DNAH9: variants seen among roughly 807,000 people sequenced by gnomAD.
DNAH9 encodes dynein axonemal heavy chain 9, also known as DNAH9 variant protein.
A neutral mutation model predicts 471.6 loss-of-function variants in DNAH9; 345 were observed. The observed-to-expected ratio is 0.73, with a 90% CI of 0.67 to 0.80. The LOEUF is 0.80. Among genes scored for constraint, DNAH9 ranks in the 30% least tolerant of loss-of-function variants. The pLI is 0.00. For missense variants in DNAH9, 5,407 were observed against 5,609.2 expected, an observed-to-expected ratio of 0.96 and a Z score of 1.15; for synonymous variants, 2,093 against 2,123.6, an observed-to-expected ratio of 0.99 and a Z score of 0.40.
intron 27 of DNAH9, among the ~76,000 whole-genome samples, chr17:11,721,049 A>C (rs2075048227): frequency 6.6e-6 from 1 of 152,102 alleles, no homozygotes; most frequent in Non-Finnish European, 1.5e-5. Flanking sequence ...TGAAAGAAAC[A>C]CTCATTTGGA....
intron 26 of DNAH9, among the ~76,000 whole-genome samples, chr17:11,710,491 C>A (rs990169471): frequency 6.6e-6 from 1 of 152,152 alleles, no homozygotes; most frequent in Admixed American, 6.5e-5. Context: ...TTGCACAACA[C>A]CCTGACTAGC....
chr17:11,968,929 G>C (rs1455715392), intron 68 of DNAH9, among the ~76,000 whole-genome samples: 1 of 152,174 alleles, frequency 6.6e-6, no homozygotes, highest in Non-Finnish European at 1.5e-5. Flanking sequence ...GGCAGAAACT[G>C]TGTCTTAGTC....
intron 38 of DNAH9, among the ~76,000 whole-genome samples, chr17:11,776,934 T>C (rs998567400): frequency 1.3e-5 from 2 of 152,220 alleles, no homozygotes; most frequent in Admixed American, 1.3e-4. Flanking sequence ...AACCTAGCTG[T>C]ACTGCTTTCA....
chr17:11,755,941 G>T (rs1303481925), intron 33 of DNAH9, among the ~76,000 whole-genome samples: 1 of 152,112 alleles, frequency 6.6e-6, no homozygotes, highest in Admixed American at 6.6e-5. Flanking sequence ...TTACATGGCA[G>T]CAGACAGAGA....
At position 11,937,647 on chromosome 17, in the gene DNAH9, T is replaced by C; in HGVS notation, c.12660+125T>C. The C allele has an allele frequency of 9.3e-7, 1 of 1,070,614 alleles. No individual in the cohort carries two copies. Among genetic ancestry groups the C allele is most frequent in the Non-Finnish European group, 1.3e-6 (1 of 794,102 alleles). 66.3% of individuals were successfully genotyped at this position (1,070,614 alleles called of 1,614,324 possible). A position where few individuals can be genotyped will look rare whatever the true frequency, so the allele number is the denominator to read the frequency against. Reference sequence around the variant, plus strand: ...GACAACACACAAAGCACCAACCACCTGCAGCCTGGAGATGCTTGCCTGTCA... The same window carrying C: ...GACAACACACAAAGCACCAACCACCCGCAGCCTGGAGATGCTTGCCTGTCA... On this transcript the variant is annotated intron_variant, in intron 66 of 68. Coordinates refer to ENST00000262442, the MANE Select transcript of DNAH9 (RefSeq NM_001372.4). The surrounding 1 kb of genome is among the most constrained non-coding windows in gnomAD (Gnocchi z 4.1).
intron 49 of DNAH9, among the ~76,000 whole-genome samples, chr17:11,839,592 T>C (rs1970962606): frequency 6.6e-6 from 1 of 152,160 alleles, no homozygotes; most frequent in South Asian, 2.1e-4. Context: ...ACTTTCCGCT[T>C]CAGCCCCTGA....
rs536822014 is a variant in DNAH9, at chr17:11,868,252, C to T, written c.9934-882C>T. ...CCATCCTTAATTGGATGGCCCACCA[C>T]CTGCTTTTTAAACTGCTTGGATGTT... On this transcript the variant is annotated intron_variant, in intron 50 of 68. Coordinates refer to ENST00000262442, the MANE Select transcript of DNAH9 (RefSeq NM_001372.4). Among the ~76,000 whole-genome samples the T allele has an allele frequency of 2.4e-4, 36 of 152,252 alleles. No homozygotes were observed. The South Asian group carries it at 6.8e-3, about 29-fold the overall frequency.
chr17:11,645,591 AGGT>A (rs1191044635), intron 11 of DNAH9, among the ~76,000 whole-genome samples: 2 of 152,088 alleles, frequency 1.3e-5, no homozygotes, highest in Non-Finnish European at 2.9e-5. Context: ...GTCTTCCTTG[AGGT>A]GGTTTTTGCC....
At chr17:11,695,222 T>C (rs1408131993) in intron 22 of DNAH9, among the ~76,000 whole-genome samples, 6 of 152,060 alleles carry the variant, frequency 3.9e-5, no homozygotes, top group Non-Finnish European at 5.9e-5. Flanking sequence ...TCAGTATTGC[T>C]GCTCAGCATG....
At chr17:11,608,384 G>C in intron 2 of DNAH9, 59 bp downstream of exon 2, 3 of 1,339,346 alleles carry the variant, frequency 2.2e-6, no homozygotes, top group Non-Finnish European at 3.1e-6. Flanking sequence ...CTGGTTATCA[G>C]AATGTTTTCC....
At chr17:11,798,517 TTAAA>T (rs1473866169) in intron 43 of DNAH9, among the ~76,000 whole-genome samples, 1 of 149,154 alleles carries the variant, frequency 6.7e-6, no homozygotes, top group East Asian at 2.0e-4. Flanking sequence ...ATTTCAAAAA[TTAAA>T]TATCCTTTTA....
At chr17:11,716,373 G>A (rs1043933196) in intron 26 of DNAH9, among the ~76,000 whole-genome samples, 21 of 152,148 alleles carry the variant, frequency 1.4e-4, no homozygotes, top group Middle Eastern at 3.4e-3. Flanking sequence ...GAGCCACCGT[G>A]CCCGGCCCTG....
intron 29 of DNAH9, 96 bp downstream of exon 29, chr17:11,739,133 G>C (rs2075396132): frequency 8.0e-7 from 1 of 1,244,120 alleles, no homozygotes; most frequent in South Asian, 1.6e-5. Flanking sequence ...AAGAAAATTT[G>C]GAACATTTGG....
At chr17:11,894,344 G>T in intron 58 of DNAH9, 30 bp from the exon 59 acceptor site, 1 of 1,611,158 alleles carries the variant, frequency 6.2e-7, no homozygotes. Context: ...ACAAGCTAAA[G>T]AAATGCAGTA....
chr17:11,774,049 T>C (rs1301878331), intron 38 of DNAH9, among the ~76,000 whole-genome samples: 2 of 152,026 alleles, frequency 1.3e-5, no homozygotes, highest in Non-Finnish European at 2.9e-5. Flanking sequence ...GGCAGGAGAA[T>C]CGCTTAAACC....
chr17:11,616,431 C>T (rs1256039545), intron 4 of DNAH9, among the ~76,000 whole-genome samples: 1 of 152,178 alleles, frequency 6.6e-6, no homozygotes, highest in Non-Finnish European at 1.5e-5. Flanking sequence ...CAGAACCAGC[C>T]TTTGTAAACT....
At chr17:11,698,188 T>TAATTATATATATA (rs1406215400) in intron 22 of DNAH9, among the ~76,000 whole-genome samples, 3 of 16,224 alleles carry the variant, frequency 1.8e-4, no homozygotes, top group East Asian at 3.4e-3. Context: ...ATTATTATAT[T>TAATTATATATATA]AATATAATAA....
At chr17:11,762,772 T>TTTTTG (rs1567783284) in intron 35 of DNAH9, among the ~76,000 whole-genome samples, 2 of 107,514 alleles carry the variant, frequency 1.9e-5, no homozygotes, top group Non-Finnish European at 3.7e-5. Context: ...TTTTTTTTGT[T>TTTTTG]TTTTTTTTTT....
intron 1 of DNAH9, among the ~76,000 whole-genome samples, chr17:11,599,297 G>C (rs1007322550): frequency 9.2e-5 from 14 of 152,092 alleles, no homozygotes; most frequent in African/African-American, 3.4e-4. Context: ...TCAGCCTCTC[G>C]TAATCCCTCC....
Sources: gnomAD v4.1 joint callset for allele counts (sites outside exome capture counted in the v4.1 genomes callset) on GRCh38, gnomAD v4.1.1 for gene constraint, Gnocchi (gnomAD v3.1) non-coding constraint, MANE v1.5 for transcripts, NCBI Gene and HGNC (gene_info 2026-07-23, HGNC 2026-07-21) for gene names.